The following SLC1A1 variants were observed in gnomAD, a reference collection of about 807,000 sequenced individuals.
SLC1A1 encodes solute carrier family 1 member 1.
SLC1A1 carries 43 observed loss-of-function variants against 53.3 expected under a neutral mutation model. The ratio of observed to expected loss-of-function variants is 0.81; its 90% confidence interval spans 0.63 to 1.04. The LOEUF is 1.04. Ranked by LOEUF, SLC1A1 falls within the 50% of genes least tolerant of loss-of-function variation. The pLI is 0.00. For synonymous variants in SLC1A1, 307 were observed against 243.2 expected (o/e 1.26, Z -2.44); for missense variants, 748 against 664.9 (o/e 1.12, Z -1.37).
At chr9:4,528,237 G>A (rs1219951713) in intron 1 of SLC1A1, among the ~76,000 whole-genome samples, 1 of 151,518 alleles carries the variant, frequency 6.6e-6, no homozygotes, top group African/African-American at 2.4e-5. Flanking sequence ...GATACTTCCT[G>A]CATGGAAAAT....
intron 2 of SLC1A1, among the ~76,000 whole-genome samples, chr9:4,560,261 TA>T (rs1189101907): frequency 3.3e-5 from 5 of 152,190 alleles, no homozygotes; most frequent in Non-Finnish European, 7.4e-5. Context: ...ATAATGACAT[TA>T]CTGTGAATGT....
chr9:4,559,340 C>A (rs954101356), intron 2 of SLC1A1, among the ~76,000 whole-genome samples: 2 of 152,152 alleles, frequency 1.3e-5, no homozygotes, highest in African/African-American at 4.8e-5. Context: ...GCCTTAACAA[C>A]ATCCTGGGGT....
intron 1 of SLC1A1, among the ~76,000 whole-genome samples, chr9:4,508,034 C>T (rs967186935): frequency 6.6e-6 from 1 of 152,098 alleles, no homozygotes; most frequent in East Asian, 1.9e-4. Flanking sequence ...CTCTCCAAAC[C>T]GTACAAGTCT....
At position 4,549,918 on chromosome 9, in the gene SLC1A1, C is replaced by G. The variant is rs959247408; in HGVS notation, c.232+5211C>G. 5.9e-5 allele frequency among the ~76,000 whole-genome samples: 9 copies of G among 152,194 alleles called. No homozygotes were observed. The highest frequency in any genetic ancestry group is 5.9e-4 in the Admixed American group (9 of 15,268). ...AGCAAGGAGTTGCTCATTCCTAACC[C>G]TTCCTGTGATGTCGCAGCTCTGGAT... is the stretch of plus-strand genomic sequence containing the variant. On this transcript the variant is annotated intron_variant, in intron 2 of 11. Transcript: ENST00000262352. This position sits in a 1 kb window ranked among gnomAD's most constrained non-coding sequence, Gnocchi z 4.1.
intron 1 of SLC1A1, among the ~76,000 whole-genome samples, chr9:4,497,697 T>G (rs1021019191): frequency 2.0e-5 from 3 of 152,262 alleles, no homozygotes; most frequent in African/African-American, 7.2e-5. Context: ...GTTGATCTTT[T>G]CTTTCTCAAA....
At chr9:4,520,774 T>C (rs1816042355) in intron 1 of SLC1A1, among the ~76,000 whole-genome samples, 2 of 152,246 alleles carry the variant, frequency 1.3e-5, no homozygotes, top group African/African-American at 4.8e-5. Flanking sequence ...CCAGAGGCTA[T>C]ATATCTAGGC....
chr9:4,564,214 G>T, intron 3 of SLC1A1, 130 bp from the exon 4 acceptor site: 1 of 703,250 alleles, frequency 1.4e-6, no homozygotes, highest in South Asian at 1.5e-5. Context: ...TCAGCATTTT[G>T]GCTGGACCTC....
At chr9:4,569,020 G>A (rs944081230) in intron 6 of SLC1A1, among the ~76,000 whole-genome samples, 2 of 152,144 alleles carry the variant, frequency 1.3e-5, no homozygotes, top group Admixed American at 6.5e-5. Context: ...CTAATTCAGT[G>A]TTCATGAGCA....
At chr9:4,503,238 G>C (rs188417328) in intron 1 of SLC1A1, among the ~76,000 whole-genome samples, 7 of 151,762 alleles carry the variant, frequency 4.6e-5, no homozygotes, top group African/African-American at 1.7e-4. Context: ...CAGAATCCTC[G>C]AAACTTTGCT....
intron 1 of SLC1A1, among the ~76,000 whole-genome samples, chr9:4,534,930 C>T (rs578172091): frequency 6.6e-6 from 1 of 152,224 alleles, no homozygotes; most frequent in South Asian, 2.1e-4. Flanking sequence ...CATAATCCAG[C>T]ATATAAACAG....
intron 1 of SLC1A1, among the ~76,000 whole-genome samples, chr9:4,542,191 G>A (rs778076503): frequency 5.3e-5 from 6 of 113,618 alleles, no homozygotes; most frequent in Non-Finnish European, 7.7e-5. Context: ...GGAGAGACAC[G>A]GAGGGAGGGA....
In SLC1A1 at chr9:4,527,008, G is replaced by A. The variant is rs116513359; in HGVS notation, c.92-17559G>A. Among the ~76,000 whole-genome samples the A allele has an allele frequency of 7.3e-4, 111 of 152,236 alleles. 1 individual carries two copies. Among genetic ancestry groups the A allele is most frequent in the African/African-American group, 2.6e-3 (108 of 41,538 alleles). On this transcript the variant is annotated intron_variant, in intron 1 of 11. Coordinates refer to ENST00000262352, the MANE Select transcript of SLC1A1 (RefSeq NM_004170.6). ...AGTTAATCAAAACAGATGATCCTGG[G>A]TAGGCCTGACTTAATAAAGTGGAAG...
intron 1 of SLC1A1, among the ~76,000 whole-genome samples, chr9:4,496,507 A>G (rs999413314): frequency 6.6e-6 from 1 of 152,076 alleles, no homozygotes; most frequent in Non-Finnish European, 1.5e-5. Flanking sequence ...AGTGCAAGCC[A>G]CTGCACTCAG....
chr9:4,576,185 A>C, intron 9 of SLC1A1, 62 bp downstream of exon 9: 1 of 1,523,182 alleles, frequency 6.6e-7, no homozygotes, highest in Non-Finnish European at 9.1e-7. Context: ...CTCTCACCTC[A>C]CTTTACAAAA....
rs981132779 is a variant in SLC1A1 at position 4,549,637 on chromosome 9, A to G, written c.232+4930A>G. 2.0e-5 allele frequency among the ~76,000 whole-genome samples: 3 copies of G among 152,170 alleles called. No individual in the cohort carries two copies. Among genetic ancestry groups the G allele is most frequent in the African/African-American group, 7.2e-5 (3 of 41,448 alleles). On this transcript the variant is annotated intron_variant, in intron 2 of 11. Transcript: ENST00000262352. This position sits in a 1 kb window ranked among gnomAD's most constrained non-coding sequence, Gnocchi z 4.1. ...AGAAGGAAAAATTCCGCTATCACAC[A>G]GGCCATCCTGTCCTGACCTGGAGTG... is the stretch of plus-strand genomic sequence containing the variant.
In SLC1A1 at chr9:4,544,693, C is replaced by G. The variant is rs372714986; in HGVS notation, c.218C>G (p.Ser73Cys). The change falls in exon 2 of 12, where the codon TCC (serine) becomes TGC (cysteine). Residue 73 changes from serine to cysteine, a missense_variant. Coordinates refer to ENST00000262352, the MANE Select transcript of SLC1A1 (RefSeq NM_004170.6). ...LKLIILPLII[S>C]SMITGVAALD... is the part of the protein sequence containing the mutation. ...CTCATCATTTTGCCATTAATTATAT[C>G]CAGCATGATTACAGGTACCTTGAGA... is the stretch of plus-strand genomic sequence containing the variant. 3.1e-6 allele frequency: 5 copies of G among 1,612,932 alleles called. No individual in the cohort carries two copies. Among genetic ancestry groups the G allele is most frequent in the Admixed American group, 1.7e-5 (1 of 59,984 alleles).
In SLC1A1 at chr9:4,576,109, C is replaced by T; in HGVS notation, c.984C>T (p.Leu328=). The T allele has an allele frequency of 6.2e-7, 1 of 1,613,990 alleles. No homozygotes were observed. The highest frequency in any genetic ancestry group is 1.1e-5 in the South Asian group (1 of 91,074). The change falls in exon 9 of 12, where the codon CTC becomes CTT. Residue 328 remains leucine, a synonymous_variant. Coordinates refer to ENST00000262352, the MANE Select transcript of SLC1A1 (RefSeq NM_004170.6). ...MGMAQALLTA[L]MISSSSATLP... ...TGGCCCAGGCTCTCCTGACAGCTCT[C>T]ATGATCTCTTCCAGGTAAACAGAAG... is the stretch of plus-strand genomic sequence containing the variant.
Position 4,583,882 on chromosome 9 carries a change from T to TCTCTCTCTCTCTCACA in SLC1A1, c.1328+711_1328+712insTCTCTCTCTCTCACAC, listed in dbSNP as rs1423949414. 7.3e-6 allele frequency among the ~76,000 whole-genome samples: 1 copy of TCTCTCTCTCTCTCACA among 136,966 alleles called. No individual in the cohort carries two copies. Among genetic ancestry groups the TCTCTCTCTCTCTCACA allele is most frequent in the African/African-American group, 2.8e-5 (1 of 35,264 alleles). The allele number at this position is 136,966 out of a possible 152,430, so 89.9% of individuals were successfully genotyped here. A position where few individuals can be genotyped will look rare whatever the true frequency, so the allele number is the denominator to read the frequency against. The stretch of plus-strand genomic sequence containing the variant: ...CTCTCTCTCTCTCTCTCTCTCTCTC[T>TCTCTCTCTCTCTCACA]CACACACACACACACACACACACAC... On this transcript the variant is annotated intron_variant, in intron 11 of 11. Coordinates refer to ENST00000262352, the MANE Select transcript of SLC1A1 (RefSeq NM_004170.6). This position sits in a 1 kb window ranked among gnomAD's most constrained non-coding sequence, Gnocchi z 4.6.
At chr9:4,568,691 G>A (rs995444255) in intron 6 of SLC1A1, among the ~76,000 whole-genome samples, 1 of 135,310 alleles carries the variant, frequency 7.4e-6, no homozygotes, top group Non-Finnish European at 1.6e-5. Flanking sequence ...CAAGACTCTT[G>A]TTTCAAAAAA....
Sources: gnomAD v4.1 joint callset for allele counts (sites outside exome capture counted in the v4.1 genomes callset) on GRCh38, gnomAD v4.1.1 for gene constraint, Gnocchi (gnomAD v3.1) non-coding constraint, MANE v1.5 for transcripts, NCBI Gene and HGNC (gene_info 2026-07-23, HGNC 2026-07-21) for gene names.